Variants in COL6A3 observed in about 807,000 individuals in gnomAD.
COL6A3 encodes the protein collagen type VI alpha 3 chain.
A neutral mutation model predicts 274.1 loss-of-function variants in COL6A3; 137 were observed. The ratio of observed to expected loss-of-function variants is 0.50; its 90% CI spans 0.44 to 0.58. The LOEUF (loss-of-function observed/expected upper bound fraction) is 0.58, where lower values mean the gene tolerates loss of function less well. COL6A3 is among the 20% of genes least tolerant of loss of function. The probability of loss-of-function intolerance (pLI) is 0.00; values close to 1 mark genes in which losing one functional copy is unlikely to be tolerated. For synonymous variants in COL6A3, 1,650 were observed against 1,650.6 expected, an observed-to-expected ratio of 1.00 and a Z score of 0.01; for missense variants, 3,950 against 4,124.9, an observed-to-expected ratio of 0.96 and a Z score of 1.16.
chr2:237,340,723 T>C lies in COL6A3; in HGVS notation c.8193A>G (p.Pro2731=). 1 of 1,614,106 alleles carries C rather than the reference T, an allele frequency of 6.2e-7. No individual in the cohort carries two copies. Among genetic ancestry groups the C allele is most frequent in the Non-Finnish European group, 8.5e-7 (1 of 1,180,016 alleles). ...CCACAATTTTCAGGTCCCGTGGGTT[T>C]GGGGCACTTTCAAAGACATTCTCTA... is the stretch of plus-strand genomic sequence containing the variant. ...YTIENVFESA[P]NPRDLKIVVL... is the part of the protein sequence containing the mutation. Residue 2731 remains proline, a synonymous_variant, in exon 38 of 44, where the codon CCA becomes CCG. Transcript: ENST00000295550.
chr2:237,411,144 C>T (rs2078846047), intron 1 of COL6A3, among the ~76,000 whole-genome samples: 1 of 152,180 alleles, frequency 6.6e-6, no homozygotes, highest in Non-Finnish European at 1.5e-5. Flanking sequence ...GAAAAGCTGC[C>T]TGGTACACAA....
chr2:237,407,066 C>T lies in COL6A3; in HGVS notation c.-31+6887G>A, dbSNP rs534075173. 9.2e-5 allele frequency among the ~76,000 whole-genome samples: 14 copies of T among 152,068 alleles called. No homozygotes were observed. Among genetic ancestry groups the T allele is most frequent in the South Asian group, 6.3e-4 (3 of 4,800 alleles). On this transcript the variant is annotated intron_variant, in intron 1 of 43. Transcript: ENST00000295550. The surrounding 1 kb of genome is among the most constrained non-coding windows in gnomAD (Gnocchi z 4.3). Reference sequence around the variant, plus strand: ...CTAGGACTACAGGTGTGCGCCACCACGCCTGGCTAATTTTTTTTGAATTTT... The same window carrying T: ...CTAGGACTACAGGTGTGCGCCACCATGCCTGGCTAATTTTTTTTGAATTTT...
At position 237,346,429 on chromosome 2, in the gene COL6A3, G is replaced by A. The variant is rs2077098307; in HGVS notation, c.7092+74C>T. The A allele has an allele frequency of 1.2e-5, 15 of 1,280,844 alleles. No homozygotes were observed. The South Asian group carries it at 1.7e-4, about 14-fold the overall frequency. 79.3% of individuals were successfully genotyped at this position (1,280,844 alleles called of 1,614,324 possible). ...CATTTTCTTGTGAGCAAAGCAGATG[G>A]TGGGAAGTTTTCAGGGACCACGTGT... On this transcript the variant is annotated intron_variant, in intron 32 of 43. Coordinates refer to ENST00000295550, the MANE Select transcript of COL6A3 (RefSeq NM_004369.4).
At chr2:237,359,994 C>T (rs2077398885) in intron 17 of COL6A3, 94 bp downstream of exon 17, 3 of 1,314,814 alleles carry the variant, frequency 2.3e-6, no homozygotes, top group African/African-American at 1.5e-5. Flanking sequence ...GGTCAAGAAG[C>T]CTGGACCAGC....
At chr2:237,335,001 A>AT (rs1235600387) in intron 40 of COL6A3, 112 bp from the exon 41 acceptor site, 17 of 1,323,928 alleles carry the variant, frequency 1.3e-5, no homozygotes, top group Non-Finnish European at 2.2e-6. Context: ...TTGACTTGAA[A>AT]TTTAGCTGAG....
intron 1 of COL6A3, among the ~76,000 whole-genome samples, chr2:237,410,468 A>AT (rs2078830628): frequency 1.3e-5 from 2 of 151,750 alleles, no homozygotes; most frequent in African/African-American, 4.8e-5. Context: ...TGCCTGGTTA[A>AT]TTTTTTAAAA....
At position 237,387,407 on chromosome 2, in the gene COL6A3, G is replaced by A. The variant is rs549454545; in HGVS notation, c.1312+175C>T. Among the ~76,000 whole-genome samples, 11 of 152,166 alleles carry A rather than the reference G, an allele frequency of 7.2e-5. No homozygotes were observed. In the South Asian group the frequency reaches 1.0e-3, roughly 14 times the overall value. On this transcript the variant is annotated intron_variant, in intron 4 of 43. Coordinates refer to ENST00000295550, the MANE Select transcript of COL6A3 (RefSeq NM_004369.4). ...TCACTCATTGGTCTTTAGTTTTTCC[G>A]CACACATGACATCACAAACATGACA... is the stretch of plus-strand genomic sequence containing the variant.
intron 7 of COL6A3, among the ~76,000 whole-genome samples, chr2:237,375,629 G>A (rs1048999053): frequency 6.6e-5 from 10 of 152,258 alleles, no homozygotes; most frequent in Middle Eastern, 3.4e-3. Context: ...TGCAACCTCC[G>A]CCTCCCGGGT....
In COL6A3 at chr2:237,350,228, G is replaced by A; in HGVS notation, c.6817-19C>T. 1 of 1,613,410 alleles carries A rather than the reference G, an allele frequency of 6.2e-7. No individual in the cohort carries two copies. The highest frequency in any genetic ancestry group is 1.1e-5 in the South Asian group (1 of 91,064). On this transcript the variant is annotated intron_variant, in intron 27 of 43. Transcript: ENST00000295550. ...GCTCACCCTAGACATGAGAAACATG[G>A]CTGAGACCCTGTGGCCTGGGGCTGG...
Position 237,394,760 on chromosome 2 carries a change from T to C in COL6A3, c.536A>G (p.Asp179Gly), listed in dbSNP as rs2078386725. ...TTCTTTTAACGCTCCTTCATCTGCA[T>C]CCTCAACTCCAATTGCAAACACGTT... ...DVNVFAIGVE[D>G]ADEGALKEIA... The change falls in exon 3 of 44, where the codon GAT becomes GGT. Residue 179 changes from aspartate to glycine, a missense_variant. Physicochemically the swap from Asp to Gly is moderately conservative, Grantham distance 94 (BLOSUM62 -1). Around this residue, in one of 5 missense-constraint regions of COL6A3, gnomAD observed 1,934 missense variants for 1,984.3 expected, o/e 0.97. Transcript: ENST00000295550. The C allele has an allele frequency of 1.2e-6, 2 of 1,614,120 alleles. No homozygotes were observed. Among genetic ancestry groups the C allele is most frequent in the Non-Finnish European group, 1.7e-6 (2 of 1,180,046 alleles).
At chr2:237,352,400 C>T in intron 26 of COL6A3, 122 bp downstream of exon 26, 2 of 993,312 alleles carry the variant, frequency 2.0e-6, no homozygotes. Flanking sequence ...GTTTTTGTTG[C>T]CAAAGAGGAG....
At chr2:237,358,637 C>G in intron 20 of COL6A3, 54 bp from the exon 21 acceptor site, 1 of 1,445,250 alleles carries the variant, frequency 6.9e-7, no homozygotes, top group Non-Finnish European at 9.7e-7. Flanking sequence ...ATTTTTATCT[C>G]ACCCTAAAAA....
intron 21 of COL6A3, 36 bp from the exon 22 acceptor site, chr2:237,357,918 A>G: frequency 1.3e-6 from 2 of 1,592,424 alleles, no homozygotes; most frequent in South Asian, 1.1e-5. Context: ...TGAGCCACAT[A>G]TGGAAGGAAA....
At chr2:237,395,696 G>C (rs535802508) in intron 2 of COL6A3, among the ~76,000 whole-genome samples, 3 of 152,236 alleles carry the variant, frequency 2.0e-5, no homozygotes, top group Non-Finnish European at 4.4e-5. Context: ...GGTAATTTGC[G>C]TGAAAAATAA....
chr2:237,356,544 C>T (rs1017528545), intron 23 of COL6A3, among the ~76,000 whole-genome samples: 1 of 152,202 alleles, frequency 6.6e-6, no homozygotes, highest in African/African-American at 2.4e-5. Flanking sequence ...GCCGAACGAG[C>T]CACTGCCCCT....
At chr2:237,357,938 A>G in intron 21 of COL6A3, 56 bp from the exon 22 acceptor site, 1 of 1,496,950 alleles carries the variant, frequency 6.7e-7, no homozygotes, top group South Asian at 1.1e-5. Flanking sequence ...AGCAGCTGCC[A>G]CTGGACTGGA....
In COL6A3 at chr2:237,336,364, C is replaced by A. The variant is rs779670941; in HGVS notation, c.8736G>T (p.Pro2912=). Residue 2912 remains proline (P), a synonymous_variant, in exon 40 of 44, where the codon CCG becomes CCT. Transcript: ENST00000295550. Reference sequence around the variant, plus strand: ...TGGCAGCCACAGGTTTCGCAGGGGCCGGCTTTGCAGCGGCTGGCTTCACAG... The same window carrying A: ...TGGCAGCCACAGGTTTCGCAGGGGCAGGCTTTGCAGCGGCTGGCTTCACAG... ...QPSVKPAAAK[P]APAKPVAAKP... The A allele has an allele frequency of 6.2e-7, 1 of 1,614,124 alleles. No homozygotes were observed. Among genetic ancestry groups the A allele is most frequent in the Non-Finnish European group, 8.5e-7 (1 of 1,180,000 alleles).
At chr2:237,334,510 G>GTTGT in intron 41 of COL6A3, 116 bp downstream of exon 41, 1 of 1,196,238 alleles carries the variant, frequency 8.4e-7, no homozygotes, top group Admixed American at 2.0e-5. Flanking sequence ...TGCTGTTGTT[G>GTTGT]TTTTTTGAAT....
chr2:237,350,922 T>C (rs1574960170), intron 27 of COL6A3, among the ~76,000 whole-genome samples: 2 of 151,932 alleles, frequency 1.3e-5, no homozygotes, highest in South Asian at 4.2e-4. Flanking sequence ...GCAGAGATGG[T>C]TGGTGGCAGG....
Sources: allele counts gnomAD v4.1 joint callset (sites outside exome capture counted in the v4.1 genomes callset), GRCh38; gene constraint gnomAD v4.1.1; regional missense constraint gnomAD v4.1.1; non-coding constraint Gnocchi (gnomAD v3.1); transcripts MANE v1.5; gene names NCBI Gene and HGNC (gene_info 2026-07-23, HGNC 2026-07-21).